Variants in USP25 observed in about 807,000 individuals in gnomAD.
USP25 encodes the protein ubiquitin carboxyl-terminal hydrolase 25.
USP25 carries 85 observed loss-of-function variants against 158.5 expected under a neutral mutation model. The observed-to-expected ratio is 0.54, with a 90% confidence interval of 0.45 to 0.64. The LOEUF (loss-of-function observed/expected upper bound fraction) is 0.64. USP25 is among the 30% of genes least tolerant of loss of function. The pLI, the probability that USP25 is intolerant of heterozygous loss-of-function variation, is 0.00. For synonymous variants in USP25, 464 were observed against 460.4 expected (o/e 1.01, Z -0.10); for missense variants, 1,242 against 1,327.3 (o/e 0.94, Z 1.00).
chr21:15,792,989 A>G (rs952049609), intron 5 of USP25, among the ~76,000 whole-genome samples: 1 of 151,652 alleles, frequency 6.6e-6, no homozygotes, highest in Non-Finnish European at 1.5e-5. Context: ...AGATTCTTAG[A>G]TCATCTTAAT....
At position 15,824,166 on chromosome 21, in the gene USP25, G is replaced by A; in HGVS notation, c.1208G>A (p.Arg403Lys). 3 of 1,611,378 alleles carry A rather than the reference G, an allele frequency of 1.9e-6. No individual in the cohort carries two copies. The highest frequency in any genetic ancestry group is 2.5e-6 in the Non-Finnish European group (3 of 1,179,590). Reference sequence around the variant, plus strand: ...TTTCCCCAAGTTTTATATTTGGACAGGTATGGTTTGATATACTGCATGACT... The same window carrying A: ...TTTCCCCAAGTTTTATATTTGGACAAGTATGGTTTGATATACTGCATGACT... ...LEFPQVLYLD[R>K]YMHRNREITR... The change falls in exon 11 of 26, where the codon AGA becomes AAA. Residue 403 changes from arginine to lysine, a missense_variant and splice_region_variant. Around this residue, in one of 3 missense-constraint regions of USP25, gnomAD observed 627 missense variants for 701.4 expected, o/e 0.89. Transcript: ENST00000400183.
In USP25 at chr21:15,766,745, A is replaced by C. The variant is rs2034061548; in HGVS notation, c.268+604A>C. Reference sequence around the variant, plus strand: ...TGAATACTTTATACTTATGTAGCGCACAGTTTTTCAAACTATGTTCAGTTA... The same window carrying C: ...TGAATACTTTATACTTATGTAGCGCCCAGTTTTTCAAACTATGTTCAGTTA... On this transcript the variant is annotated intron_variant, in intron 3 of 25. Coordinates refer to ENST00000400183, the MANE Select transcript of USP25 (RefSeq NM_001283041.3). The surrounding 1 kb of genome is among the most constrained non-coding windows in gnomAD (Gnocchi z 4.0). Among the ~76,000 whole-genome samples, 2 of 152,100 alleles carry C rather than the reference A, an allele frequency of 1.3e-5. No individual in the cohort carries two copies. Among genetic ancestry groups the C allele is most frequent in the South Asian group, 4.1e-4 (2 of 4,834 alleles).
chr21:15,737,286 A>C (rs2031613086), intron 1 of USP25, among the ~76,000 whole-genome samples: 2 of 152,212 alleles, frequency 1.3e-5, no homozygotes, highest in South Asian at 4.1e-4. Context: ...GTTTACAAAG[A>C]GTTTGTTTTT....
At position 15,730,432 on chromosome 21, in the gene USP25, G is replaced by A. The variant is rs1408886482; in HGVS notation, c.39G>A (p.Ala13=). The A allele has an allele frequency of 2.2e-6, 3 of 1,364,762 alleles. No individual in the cohort carries two copies. Among genetic ancestry groups the A allele is most frequent in the Non-Finnish European group, 1.9e-6 (2 of 1,049,618 alleles). The allele number at this position is 1,364,762 out of a possible 1,614,324, so 84.5% of individuals were successfully genotyped here. A position where few individuals can be genotyped will look rare whatever the true frequency, so the allele number is the denominator to read the frequency against. Residue 13 remains alanine (A), a synonymous_variant, in exon 1 of 26, where the codon GCG becomes GCA. Coordinates refer to ENST00000400183, the MANE Select transcript of USP25 (RefSeq NM_001283041.3). ...VEQNVLQQSA[A]QKHQQTFLNQ... is the part of the protein sequence containing the mutation. ...AGAACGTGCTGCAGCAGAGCGCGGC[G>A]CAGAAGGTGAGGCGAGTCCGCCAGC...
intron 14 of USP25, 82 bp from the exon 15 acceptor site, chr21:15,830,449 T>A: frequency 1.6e-6 from 2 of 1,226,808 alleles, no homozygotes; most frequent in Non-Finnish European, 2.3e-6. Context: ...CTCTAACATG[T>A]TTGTAGGAAA....
intron 3 of USP25, among the ~76,000 whole-genome samples, chr21:15,775,731 T>C (rs1012988373): frequency 7.5e-5 from 7 of 93,370 alleles, no homozygotes; most frequent in Non-Finnish European, 1.4e-4. Context: ...AACAGGATAA[T>C]GGTTGCCACC....
chr21:15,747,909 G>A (rs1056357546), intron 1 of USP25, among the ~76,000 whole-genome samples: 8 of 152,158 alleles, frequency 5.3e-5, no homozygotes, highest in African/African-American at 1.7e-4. Context: ...CTGTTTTCAC[G>A]ATGTCTTTTT....
intron 3 of USP25, among the ~76,000 whole-genome samples, chr21:15,769,578 T>C (rs1056021873): frequency 6.6e-6 from 1 of 152,098 alleles, no homozygotes; most frequent in Non-Finnish European, 1.5e-5. Flanking sequence ...AAAACACAAA[T>C]GAAAATGAGA....
rs1249537449 is a variant in USP25, at chr21:15,818,767, A to G, written c.1001A>G (p.His334Arg). Residue 334 changes from histidine (H) to arginine (R), a missense_variant, in exon 10 of 26, where the codon CAT becomes CGT. Physicochemically the swap from His to Arg is conservative, Grantham distance 29. Coordinates refer to ENST00000400183, the MANE Select transcript of USP25 (RefSeq NM_001283041.3). ...PLQVNGFKDL[H>R]ECLEAAMIEG... ...CAGGTCAATGGGTTCAAAGATCTGCATGAGTGCCTAGAAGCTGCAATGATT... is the reference window on the plus strand; with the variant it reads ...CAGGTCAATGGGTTCAAAGATCTGCGTGAGTGCCTAGAAGCTGCAATGATT... 6.2e-6 allele frequency: 10 copies of G among 1,613,812 alleles called. No individual in the cohort carries two copies. Among genetic ancestry groups the G allele is most frequent in the East Asian group, 2.2e-5 (1 of 44,858 alleles).
At chr21:15,809,273 G>C (rs2036539228) in intron 8 of USP25, among the ~76,000 whole-genome samples, 1 of 152,138 alleles carries the variant, frequency 6.6e-6, no homozygotes. Context: ...TGTTCACTCA[G>C]GGCCCCGAGG....
intron 1 of USP25, among the ~76,000 whole-genome samples, chr21:15,741,128 C>T (rs1297562368): frequency 7.2e-6 from 1 of 139,712 alleles, no homozygotes; most frequent in African/African-American, 3.1e-5. Context: ...TTTGTTTATA[C>T]CAAATTTTTT....
intron 1 of USP25, among the ~76,000 whole-genome samples, chr21:15,742,145 G>A (rs553168948): frequency 2.0e-4 from 30 of 150,884 alleles, no homozygotes; most frequent in Non-Finnish European, 1.5e-5. Flanking sequence ...TCTGTCTGAA[G>A]ACAGGGAAGA....
chr21:15,870,247 AT>A, intron 23 of USP25, 100 bp downstream of exon 23: 1 of 735,202 alleles, frequency 1.4e-6, no homozygotes, highest in Non-Finnish European at 2.1e-6. Flanking sequence ...CATACTCTGT[AT>A]TTTTAATAAA....
Position 15,878,813 on chromosome 21 carries a change from A to G in USP25, c.*338A>G, listed in dbSNP as rs752162732. 2.9e-5 allele frequency: 6 copies of G among 205,448 alleles called. No individual in the cohort carries two copies. Among genetic ancestry groups the G allele is most frequent in the African/African-American group, 4.7e-5 (2 of 42,840 alleles). 12.7% of individuals were successfully genotyped at this position (205,448 alleles called of 1,614,324 possible). A position where few individuals can be genotyped will look rare whatever the true frequency, so the allele number is the denominator to read the frequency against. On this transcript the variant is annotated 3_prime_UTR_variant, in exon 26 of 26. Coordinates refer to ENST00000400183, the MANE Select transcript of USP25 (RefSeq NM_001283041.3). ...CTTTCCATTCAGTCTGGATCCTTCC[A>G]TGACTACAGCCATTTAAGTGTTCAG...
intron 5 of USP25, among the ~76,000 whole-genome samples, chr21:15,798,109 C>T (rs80065083): frequency 6.4e-4 from 97 of 151,358 alleles, no homozygotes; most frequent in Admixed American, 2.0e-3. Context: ...TTTAATGCCT[C>T]TGTTCTTCCT....
chr21:15,735,966 G>C (rs2031457261), intron 1 of USP25, among the ~76,000 whole-genome samples: 1 of 145,032 alleles, frequency 6.9e-6, no homozygotes. Flanking sequence ...TCCTAAATCT[G>C]TGTGTGTGTG....
rs1209914957 is a variant in USP25 at position 15,833,233 on chromosome 21, G to A, written c.1994-115G>A. ...ATAGTAATTCTTAAGTAATATGATT[G>A]GCTGAGTGGTAATAATTCATAGTTT... On this transcript the variant is annotated intron_variant, in intron 16 of 25. Transcript: ENST00000400183. 3 of 948,998 alleles carry A rather than the reference G, an allele frequency of 3.2e-6. No homozygotes were observed. In the African/African-American group the frequency reaches 5.0e-5, roughly 16 times the overall value. The allele number at this position is 948,998 out of a possible 1,614,324, so 58.8% of individuals were successfully genotyped here.
In USP25 at chr21:15,879,278, A is replaced by C. The variant is rs2040208666; in HGVS notation, c.*803A>C. 1.3e-5 allele frequency: 2 copies of C among 152,520 alleles called. No homozygotes were observed. The highest frequency in any genetic ancestry group is 6.6e-5 in the Admixed American group (1 of 15,260). 9.4% of individuals were successfully genotyped at this position (152,520 alleles called of 1,614,324 possible). A position where few individuals can be genotyped will look rare whatever the true frequency, so the allele number is the denominator to read the frequency against. On this transcript the variant is annotated 3_prime_UTR_variant, in exon 26 of 26. Transcript: ENST00000400183. ...GATTATTTCAAGAGAATCCCAAAGTACTTGAATAAGGGCTATTGTAAAATT... is the reference window on the plus strand; with the variant it reads ...GATTATTTCAAGAGAATCCCAAAGTCCTTGAATAAGGGCTATTGTAAAATT...
intron 1 of USP25, among the ~76,000 whole-genome samples, chr21:15,739,453 C>T (rs1226822827): frequency 6.6e-6 from 1 of 151,986 alleles, no homozygotes. Flanking sequence ...CCTAGGTATC[C>T]TGGGTGTGGT....
Sources: gnomAD v4.1 joint callset for allele counts (sites outside exome capture counted in the v4.1 genomes callset) on GRCh38, gnomAD v4.1.1 for gene constraint, gnomAD v4.1.1 regional missense constraint, Gnocchi (gnomAD v3.1) non-coding constraint, MANE v1.5 for transcripts, NCBI Gene and HGNC (gene_info 2026-07-23, HGNC 2026-07-21) for gene names.